Variants in POTEF observed in about 807,000 individuals in gnomAD.
POTEF encodes ANKRD26-like family C member 1B.
A neutral mutation model predicts 83.2 loss-of-function variants in POTEF; 20 were observed. The ratio of observed to expected loss-of-function variants is 0.24; its 90% CI spans 0.17 to 0.35. The LOEUF (loss-of-function observed/expected upper bound fraction) is 0.35. POTEF is among the 10% of genes least tolerant of loss of function. The probability of loss-of-function intolerance (pLI) is 1.00; values close to 1 mark genes in which losing one functional copy is unlikely to be tolerated. For synonymous variants in POTEF, 196 were observed against 446.4 expected, an observed-to-expected ratio of 0.44 and a Z score of 7.07; for missense variants, 550 against 1,203.2, an observed-to-expected ratio of 0.46 and a Z score of 8.03.
intron 7 of POTEF, among the ~76,000 whole-genome samples, chr2:130,109,987 C>T (rs868305662): frequency 2.0e-5 from 3 of 151,342 alleles, no homozygotes; most frequent in African/African-American, 7.4e-5. Flanking sequence ...TCTACTGATT[C>T]ATCTTAAGGC....
chr2:130,104,446 C>A (rs1684458020), intron 8 of POTEF, among the ~76,000 whole-genome samples: 1 of 147,826 alleles, frequency 6.8e-6, no homozygotes, highest in Non-Finnish European at 1.5e-5. Flanking sequence ...CACTCTTTCT[C>A]TTTTTTCATT....
chr2:130,124,398 T>A (rs1260667910), intron 2 of POTEF, among the ~76,000 whole-genome samples: 3 of 105,854 alleles, frequency 2.8e-5, no homozygotes, highest in African/African-American at 1.3e-4. Flanking sequence ...TTATGAATCA[T>A]AACACAACTT....
chr2:130,117,211 T>C (rs1684867000), intron 3 of POTEF, among the ~76,000 whole-genome samples: 1 of 151,872 alleles, frequency 6.6e-6, no homozygotes. Context: ...AATGAAAAGA[T>C]AATTATGTAA....
intron 5 of POTEF, among the ~76,000 whole-genome samples, chr2:130,114,440 G>C (rs894863209): frequency 3.0e-4 from 43 of 144,430 alleles, no homozygotes; most frequent in African/African-American, 1.1e-3. Flanking sequence ...TTGCCAGTGA[G>C]AGGCGCATCA....
rs199552549 is a variant in POTEF, at chr2:130,113,526, C to CGTT, written c.810+1352_810+1354dup. ...ATTTTGAGAAAATTGTTGTTGTTGT[C>CGTT]GTTGTTGTTGTTGTTGTTGTTAGAG... On this transcript the variant is annotated intron_variant, in intron 5 of 16. Transcript: ENST00000409914. Among the ~76,000 whole-genome samples, 112 of 96,832 alleles carry CGTT rather than the reference C, an allele frequency of 1.2e-3. 4 individuals are homozygous for CGTT. Among genetic ancestry groups the CGTT allele is most frequent in the African/African-American group, 3.0e-3 (76 of 25,544 alleles). The allele number at this position is 96,832 out of a possible 152,430, so 63.5% of individuals were successfully genotyped here. A position where few individuals can be genotyped will look rare whatever the true frequency, so the allele number is the denominator to read the frequency against.
chr2:130,123,691 A>G (rs1306119686), intron 2 of POTEF, among the ~76,000 whole-genome samples: 5 of 151,552 alleles, frequency 3.3e-5, no homozygotes, highest in Admixed American at 6.6e-5. Context: ...AATACTTGAG[A>G]TAGCATTGCT....
At position 130,114,568 on chromosome 2, in the gene POTEF, C is replaced by T. The variant is rs1275705923; in HGVS notation, c.810+313G>A. ...AAAACCTATTTCAGGGCAAATTTTG[C>T]CATTTTACATTCAATAGGGAAAAAA... On this transcript the variant is annotated intron_variant, in intron 5 of 16. Coordinates refer to ENST00000409914, the MANE Select transcript of POTEF (RefSeq NM_001099771.2). 1.4e-5 allele frequency among the ~76,000 whole-genome samples: 2 copies of T among 145,174 alleles called. 1 individual carries two copies. The highest frequency in any genetic ancestry group is 5.2e-5 in the African/African-American group (2 of 38,752).
At position 130,076,156 on chromosome 2, in the gene POTEF, C is replaced by A. The variant is rs1160067260; in HGVS notation, c.1900-584G>T. 2.2e-5 allele frequency among the ~76,000 whole-genome samples: 2 copies of A among 91,310 alleles called. 1 individual carries two copies. The highest frequency in any genetic ancestry group is 4.6e-5 in the Non-Finnish European group (2 of 43,552). The allele number at this position is 91,310 out of a possible 152,430, so 59.9% of individuals were successfully genotyped here. A position where few individuals can be genotyped will look rare whatever the true frequency, so the allele number is the denominator to read the frequency against. ...CATTTATTTATAACTGTCAAATAAG[C>A]ACTGTACCCTTCTACACTGTACACA... On this transcript the variant is annotated intron_variant, in intron 16 of 16. Transcript: ENST00000409914.
intron 2 of POTEF, among the ~76,000 whole-genome samples, chr2:130,123,650 ATATC>A (rs971107870): frequency 1.7e-4 from 26 of 151,868 alleles, no homozygotes; most frequent in African/African-American, 5.1e-4. Flanking sequence ...AATAAAAAAC[ATATC>A]TATTATCTAA....
intron 5 of POTEF, among the ~76,000 whole-genome samples, chr2:130,114,177 T>C (rs946925705): frequency 2.7e-5 from 4 of 150,106 alleles, no homozygotes; most frequent in Non-Finnish European, 5.9e-5. Flanking sequence ...CTAAAATTGA[T>C]CTCTAGGTAG....
chr2:130,102,571 G>A lies in POTEF; in HGVS notation c.1127-391C>T, dbSNP rs1296449702. Among the ~76,000 whole-genome samples, 4 of 148,490 alleles carry A rather than the reference G, an allele frequency of 2.7e-5. No individual in the cohort carries two copies. In the East Asian group the frequency reaches 7.8e-4, roughly 29 times the overall value. On this transcript the variant is annotated intron_variant, in intron 8 of 16. Coordinates refer to ENST00000409914, the MANE Select transcript of POTEF (RefSeq NM_001099771.2). ...CTTAGCTAGTCTGACTCTAAGGATA[G>A]TAACAAGCAGGGCCCAGGAAAGGTC...
intron 8 of POTEF, among the ~76,000 whole-genome samples, chr2:130,104,640 C>T (rs1684466010): frequency 6.6e-6 from 1 of 151,620 alleles, no homozygotes; most frequent in Non-Finnish European, 1.5e-5. Context: ...ATTTGCTGTG[C>T]TGCCTTCATA....
At chr2:130,107,427 T>C (rs1043001074) in intron 8 of POTEF, among the ~76,000 whole-genome samples, 1 of 150,946 alleles carries the variant, frequency 6.6e-6, no homozygotes, top group Admixed American at 6.6e-5. Context: ...TTTTACTTTT[T>C]TATCTATGGT....
chr2:130,118,362 A>G (rs995653849), intron 3 of POTEF, among the ~76,000 whole-genome samples: 3 of 151,936 alleles, frequency 2.0e-5, no homozygotes, highest in African/African-American at 2.4e-5. Flanking sequence ...ATATGCAAAA[A>G]AAGTACTTTG....
chr2:130,107,051 TCA>T, intron 8 of POTEF, among the ~76,000 whole-genome samples: 1 of 149,196 alleles, frequency 6.7e-6, no homozygotes, highest in Non-Finnish European at 1.5e-5. Flanking sequence ...AAAGGTGTCC[TCA>T]CACAGTTTGG....
At position 130,120,190 on chromosome 2, in the gene POTEF, C is replaced by A. The variant is rs760510682; in HGVS notation, c.326G>T (p.Cys109Phe). The stretch of plus-strand genomic sequence containing the variant: ...CACCTTGCTCTTGCTGCTCCCCCTG[C>A]AGCAGGGGAAGCAGTGGCAGCACCA... Reference protein sequence around the residue: ...GKWCCHCFPCCRGSSKSKVGA... With the variant: ...GKWCCHCFPCFRGSSKSKVGA... The change falls in exon 3 of 17, where the codon TGC (cysteine) becomes TTC (phenylalanine). Residue 109 changes from cysteine to phenylalanine, a missense_variant. Physicochemically the swap from Cys to Phe is radical, Grantham distance 205. Transcript: ENST00000409914. 2 of 1,597,410 alleles carry A rather than the reference C, an allele frequency of 1.3e-6. No homozygotes were observed. The highest frequency in any genetic ancestry group is 1.7e-6 in the Non-Finnish European group (2 of 1,174,206).
chr2:130,087,664 C>T (rs1216422728), intron 13 of POTEF, among the ~76,000 whole-genome samples: 39 of 112,938 alleles, frequency 3.5e-4, no homozygotes, highest in Non-Finnish European at 5.7e-4. Context: ...CATGGAGTCT[C>T]GCTCTGTCAC....
chr2:130,120,721 C>G, intron 2 of POTEF, 113 bp from the exon 3 acceptor site: 6 of 939,030 alleles, frequency 6.4e-6, no homozygotes, highest in Non-Finnish European at 9.4e-6. Flanking sequence ...AAAGCCCACG[C>G]CCCCCCTGGG....
At chr2:130,108,183 A>C in intron 7 of POTEF, 104 bp from the exon 8 acceptor site, 1 of 1,476,834 alleles carries the variant, frequency 6.8e-7, no homozygotes. Context: ...TATCAGAATA[A>C]CAGAACTTAA....
Sources: allele counts gnomAD v4.1 joint callset (sites outside exome capture counted in the v4.1 genomes callset), GRCh38; gene constraint gnomAD v4.1.1; transcripts MANE v1.5; gene names NCBI Gene and HGNC (gene_info 2026-07-23, HGNC 2026-07-21).